HOGA1: variants seen among roughly 807,000 people sequenced by gnomAD.
The protein encoded by HOGA1 is 4-hydroxy-2-oxoglutarate aldolase 1, also known as 4-hydroxy-2-oxoglutarate aldolase, mitochondrial.
In HOGA1, 30 loss-of-function variants were observed where a neutral mutation model predicts 34.3. The ratio of observed to expected loss-of-function variants is 0.87; its 90% confidence interval spans 0.65 to 1.19. HOGA1 has a LOEUF of 1.19. Among genes scored for constraint, HOGA1 ranks in the 50% most tolerant of loss-of-function variants. The pLI, the probability that HOGA1 is intolerant of heterozygous loss-of-function variation, is 0.00. For synonymous variants in HOGA1, 161 were observed against 174.0 expected, an observed-to-expected ratio of 0.93 and a Z score of 0.59; for missense variants, 417 against 436.5, an observed-to-expected ratio of 0.96 and a Z score of 0.40.
At chr10:97,597,132 G>T (rs150120700) in intron 1 of HOGA1, among the ~76,000 whole-genome samples, 3 of 150,666 alleles carry the variant, frequency 2.0e-5, no homozygotes, top group Non-Finnish European at 4.4e-5. Flanking sequence ...TTGAGACAGG[G>T]TCTTGCTCTG....
chr10:97,587,226 C>T (rs1411249077), intron 1 of HOGA1, among the ~76,000 whole-genome samples: 2 of 152,176 alleles, frequency 1.3e-5, no homozygotes, highest in Admixed American at 1.3e-4. Flanking sequence ...TGCAGCCCAA[C>T]ACTCAGGCTG....
intron 1 of HOGA1, among the ~76,000 whole-genome samples, chr10:97,597,298 C>T (rs1204219912): frequency 6.6e-6 from 1 of 152,022 alleles, no homozygotes; most frequent in African/African-American, 2.4e-5. Context: ...CCCATCTTAG[C>T]CTCCTGAAGT....
chr10:97,592,992 T>C (rs1053629788), intron 1 of HOGA1, among the ~76,000 whole-genome samples: 8 of 132,208 alleles, frequency 6.1e-5, no homozygotes, highest in African/African-American at 2.4e-4. Context: ...ATCGCTCCAC[T>C]GCACTTTAGC....
chr10:97,606,813 G>A (rs188188822), intron 6 of HOGA1, among the ~76,000 whole-genome samples: 89 of 152,116 alleles, frequency 5.9e-4, no homozygotes, highest in Admixed American at 4.0e-3. Flanking sequence ...TCGAAATTGC[G>A]TTAAGCCTGC....
Position 97,611,774 on chromosome 10 carries a change from A to C in HOGA1, c.*115A>C. 2 of 1,307,166 alleles carry C rather than the reference A, an allele frequency of 1.5e-6. No individual in the cohort carries two copies. The highest frequency in any genetic ancestry group is 2.1e-6 in the Non-Finnish European group (2 of 943,276). 81.0% of individuals were successfully genotyped at this position (1,307,166 alleles called of 1,614,324 possible). A position where few individuals can be genotyped will look rare whatever the true frequency, so the allele number is the denominator to read the frequency against. On this transcript the variant is annotated 3_prime_UTR_variant, in exon 7 of 7. Coordinates refer to ENST00000370646, the MANE Select transcript of HOGA1 (RefSeq NM_138413.4). ...GTGGCAGGCAGCGGGGAGCCGATAG[A>C]GGCTCCTTTGCCTGCTGTGGTCCTC...
At chr10:97,611,115 C>A (rs1290238059) in intron 6 of HOGA1, among the ~76,000 whole-genome samples, 1 of 152,192 alleles carries the variant, frequency 6.6e-6, no homozygotes, top group Admixed American at 6.5e-5. Flanking sequence ...CCCTTCCTGA[C>A]TTCCCAGGTC....
intron 6 of HOGA1, among the ~76,000 whole-genome samples, chr10:97,604,924 C>T (rs1374319575): frequency 6.6e-6 from 1 of 152,042 alleles, no homozygotes; most frequent in Non-Finnish European, 1.5e-5. Flanking sequence ...GAGGTTGCAG[C>T]GAGCCAAGAT....
At chr10:97,588,525 A>G (rs1043887179) in intron 1 of HOGA1, among the ~76,000 whole-genome samples, 1 of 152,222 alleles carries the variant, frequency 6.6e-6, no homozygotes, top group Non-Finnish European at 1.5e-5. Context: ...TTCTTTTTAA[A>G]TAAAAATTAT....
At chr10:97,594,377 CAG>C (rs2041053091) in intron 1 of HOGA1, among the ~76,000 whole-genome samples, 1 of 151,478 alleles carries the variant, frequency 6.6e-6, no homozygotes, top group Non-Finnish European at 1.5e-5. Flanking sequence ...TTTTTTAAGA[CAG>C]AGTCTTACAC....
At chr10:97,602,918 C>T (rs1419969693) in intron 6 of HOGA1, among the ~76,000 whole-genome samples, 4 of 152,226 alleles carry the variant, frequency 2.6e-5, no homozygotes, top group Non-Finnish European at 5.9e-5. Context: ...TCTCAAATTC[C>T]TGGCCTCAAG....
At chr10:97,598,957 T>G (rs905597454) in intron 2 of HOGA1, 54 bp downstream of exon 2, 15 of 1,610,564 alleles carry the variant, frequency 9.3e-6, no homozygotes, top group Admixed American at 1.7e-5. Flanking sequence ...GGATCCAGGC[T>G]CCTAGGCCCT....
intron 6 of HOGA1, among the ~76,000 whole-genome samples, 173 bp from the exon 7 acceptor site, chr10:97,611,337 C>G (rs1271721132): frequency 6.6e-6 from 1 of 152,240 alleles, no homozygotes; most frequent in South Asian, 2.1e-4. Flanking sequence ...CAGACCTGCT[C>G]TCTGGTCTCT....
intron 1 of HOGA1, among the ~76,000 whole-genome samples, chr10:97,597,941 C>A (rs2041084007): frequency 6.6e-6 from 1 of 152,046 alleles, no homozygotes; most frequent in Non-Finnish European, 1.5e-5. Context: ...CAGAGTGAGA[C>A]CCTCAAAGAA....
chr10:97,611,193 G>A (rs897269580), intron 6 of HOGA1, among the ~76,000 whole-genome samples: 9 of 152,192 alleles, frequency 5.9e-5, no homozygotes, highest in Non-Finnish European at 1.0e-4. Context: ...GCCTAGACCT[G>A]CAGCCTTGCT....
chr10:97,589,050 C>T (rs1211799970), intron 1 of HOGA1, among the ~76,000 whole-genome samples: 2 of 152,128 alleles, frequency 1.3e-5, no homozygotes, highest in Non-Finnish European at 2.9e-5. Flanking sequence ...GTAGGTGCCT[C>T]ACTAAGGCAA....
chr10:97,599,155 T>G lies in HOGA1; in HGVS notation c.407T>G (p.Val136Gly). The G allele has an allele frequency of 6.2e-7, 1 of 1,613,882 alleles. No homozygotes were observed. The highest frequency in any genetic ancestry group is 1.7e-4 in the Middle Eastern group (1 of 6,060). Residue 136 changes from valine (V) to glycine (G), a missense_variant, in exon 3 of 7, where the codon GTG becomes GGG. By Grantham distance (109) the Val-to-Gly change is moderately radical. Coordinates refer to ENST00000370646, the MANE Select transcript of HOGA1 (RefSeq NM_138413.4). ...GTCGGGGCTGACGCGGCCATGGTGG[T>G]GACCCCTTGCTACTATCGTGGCCGC... ...AQVGADAAMV[V>G]TPCYYRGRMS...
intron 6 of HOGA1, among the ~76,000 whole-genome samples, chr10:97,604,768 G>C (rs2135725721): frequency 6.6e-6 from 1 of 152,224 alleles, no homozygotes; most frequent in African/African-American, 2.4e-5. Context: ...GATCACCTGA[G>C]GTCAGGAGTT....
At position 97,590,136 on chromosome 10, in the gene HOGA1, C is replaced by CGGAGGCACG. The variant is rs2135714997; in HGVS notation, c.211+5223_211+5224insGAGGCACGG. 4 of 1,614,086 alleles carry CGGAGGCACG rather than the reference C, an allele frequency of 2.5e-6. No homozygotes were observed. The East Asian group carries it at 8.9e-5, about 36-fold the overall frequency. On this transcript the variant is annotated intron_variant, in intron 1 of 6. Transcript: ENST00000370646. ...ACGGTTCACATAGAGACCTTCACCACGAGGCACGGAGAAGTGGGCTCCGCT... is the reference window on the plus strand; with the variant it reads ...ACGGTTCACATAGAGACCTTCACCACGGAGGCACGGAGGCACGGAGAAGTGGGCTCCGCT...
At chr10:97,602,682 TTTCTTTCC>T (rs1225277593) in intron 6 of HOGA1, 6 of 769,896 alleles carry the variant, frequency 7.8e-6, no homozygotes, top group South Asian at 5.9e-5. Context: ...TCTCTCTTTC[TTTCTTTCC>T]TTCTTTCTTT....
Sources: gnomAD v4.1 joint callset for allele counts (sites outside exome capture counted in the v4.1 genomes callset) on GRCh38, gnomAD v4.1.1 for gene constraint, MANE v1.5 for transcripts, NCBI Gene and HGNC (gene_info 2026-07-23, HGNC 2026-07-21) for gene names.